The following DEGS2 variants were observed in gnomAD, a reference collection of about 807,000 sequenced individuals.
DEGS2 encodes sphingolipid delta(4)-desaturase/C4-monooxygenase DES2.
DEGS2 carries 19 observed loss-of-function variants against 23.8 expected under a neutral mutation model. The ratio of observed to expected loss-of-function variants is 0.80; its 90% CI spans 0.56 to 1.17. DEGS2 has a LOEUF of 1.17. Among genes scored for constraint, DEGS2 ranks in the 50% most tolerant of loss-of-function variants. The pLI is 0.00. For synonymous variants in DEGS2, 218 were observed against 213.7 expected, an observed-to-expected ratio of 1.02 and a Z score of -0.18; for missense variants, 390 against 459.5, an observed-to-expected ratio of 0.85 and a Z score of 1.38.
Position 100,145,763 on chromosome 14 carries a change from C to G in DEGS2, c.*998G>C, listed in dbSNP as rs1889433274. The G allele has an allele frequency of 6.6e-6, 1 of 152,522 alleles. No homozygotes were observed. The highest frequency in any genetic ancestry group is 1.5e-5 in the Non-Finnish European group (1 of 68,264). The allele number at this position is 152,522 out of a possible 1,614,324, so 9.4% of individuals were successfully genotyped here. A position where few individuals can be genotyped will look rare whatever the true frequency, so the allele number is the denominator to read the frequency against. On this transcript the variant is annotated 3_prime_UTR_variant, in exon 3 of 3. Transcript: ENST00000305631. ...CCCAGCCCTGCCCTCCAGGAGAAGA[C>G]AACCTCCTAGGTCGCAGCTGCACCC...
rs1889631314 is a variant in DEGS2 at position 100,154,719 on chromosome 14, A to G, written c.82+4787T>C. On this transcript the variant is annotated intron_variant, in intron 1 of 2. Coordinates refer to ENST00000305631, the MANE Select transcript of DEGS2 (RefSeq NM_206918.3). ...CACCCTGGTGCGACTCTGATGGGTT[A>G]CAGCCTTTGCCCAGAAATGCTCCTG... Among the ~76,000 whole-genome samples the G allele has an allele frequency of 2.6e-5, 4 of 152,236 alleles. No individual in the cohort carries two copies. The South Asian group carries it at 8.3e-4, about 31-fold the overall frequency.
At chr14:100,156,057 GAT>G in intron 1 of DEGS2, among the ~76,000 whole-genome samples, 1 of 152,214 alleles carries the variant, frequency 6.6e-6, no homozygotes. Flanking sequence ...AGGAGCTGGA[GAT>G]GGACTTTGGC....
chr14:100,150,388 C>CCG, intron 1 of DEGS2, among the ~76,000 whole-genome samples: 1 of 65,344 alleles, frequency 1.5e-5, no homozygotes, highest in East Asian at 5.7e-4. Flanking sequence ...CACCCCAACA[C>CCG]CCCCCCCCGC....
At chr14:100,161,491 G>A (rs1332822323), upstream of DEGS2, among the ~76,000 whole-genome samples, 1 of 152,134 alleles carries the variant, frequency 6.6e-6, no homozygotes, top group South Asian at 2.1e-4. Context: ...ATACTGTTGC[G>A]TCCCCACCCT....
intron 1 of DEGS2, among the ~76,000 whole-genome samples, chr14:100,152,007 C>T (rs879270429): frequency 2.0e-5 from 3 of 152,084 alleles, no homozygotes; most frequent in East Asian, 1.9e-4. Context: ...ACCCTGGGTA[C>T]GGTCAGGATG....
upstream of DEGS2, among the ~76,000 whole-genome samples, chr14:100,160,744 A>T (rs932698764): frequency 2.0e-5 from 3 of 152,222 alleles, no homozygotes; most frequent in African/African-American, 7.2e-5. Context: ...TACACTTGGC[A>T]GGCCTTCCTT....
At chr14:100,166,353 G>GGGGTAGCCTGCCCGGGGCTGT in the DEGS2 span, among the ~76,000 whole-genome samples, 1 of 41,444 alleles carries the variant, frequency 2.4e-5, no homozygotes. Flanking sequence ...CCGGGGCTGT[G>GGGGTAGCCTGCCCGGGGCTGT]GGGGGAGCCT....
the DEGS2 span, among the ~76,000 whole-genome samples, chr14:100,164,857 C>A: frequency 1.3e-5 from 2 of 152,108 alleles, no homozygotes; most frequent in Non-Finnish European, 2.9e-5. Context: ...AATACATGTG[C>A]GAGAATAGTC....
At position 100,148,972 on chromosome 14, in the gene DEGS2, G is replaced by T; in HGVS notation, c.821C>A (p.Pro274Gln). 6.2e-7 allele frequency: 1 copy of T among 1,611,388 alleles called. No individual in the cohort carries two copies. Among genetic ancestry groups the T allele is most frequent in the Non-Finnish European group, 8.5e-7 (1 of 1,178,924 alleles). Reference sequence around the variant, plus strand: ...CCTGCCAGCCCAGCCACATACCAGCGGCAGGTTGTAGCCCGGGATGCTGGG... The same window carrying T: ...CCTGCCAGCCCAGCCACATACCAGCTGCAGGTTGTAGCCCGGGATGCTGGG... ...DFPSIPGYNL[P>Q]LVRKIAPEYY... The change falls in exon 2 of 3, where the codon CCG becomes CAG. Residue 274 changes from proline to glutamine, a missense_variant. By Grantham distance (76) the Pro-to-Gln change is moderately conservative. Transcript: ENST00000305631.
At chr14:100,148,330 ACCT>A (rs1345437279) in intron 2 of DEGS2, among the ~76,000 whole-genome samples, 7 of 152,064 alleles carry the variant, frequency 4.6e-5, no homozygotes, top group Admixed American at 2.6e-4. Context: ...CCCCAGTGCC[ACCT>A]CCTCCCGCCC....
intron 1 of DEGS2, among the ~76,000 whole-genome samples, chr14:100,157,624 T>G (rs1889679078): frequency 6.6e-6 from 1 of 152,130 alleles, no homozygotes; most frequent in Non-Finnish European, 1.5e-5. Context: ...GCAGCTCACC[T>G]CCCAGGAGAA....
chr14:100,166,114 C>T, the DEGS2 span, among the ~76,000 whole-genome samples: 1,848 of 23,400 alleles, frequency 0.079, 471 homozygotes, highest in African/African-American at 0.36. Flanking sequence ...GGGTAGCCTG[C>T]CCGGGAGGGT....
chr14:100,151,399 G>A (rs906709934), intron 1 of DEGS2, among the ~76,000 whole-genome samples: 4 of 152,216 alleles, frequency 2.6e-5, no homozygotes, highest in African/African-American at 7.2e-5. Context: ...AGCAGTGCAC[G>A]AGGCAGCTGA....
At position 100,145,826 on chromosome 14, in the gene DEGS2, C is replaced by CA. The variant is rs1278597484; in HGVS notation, c.*934dup. The stretch of plus-strand genomic sequence containing the variant: ...TAGAAAGGACCGACACGTCTCACGT[C>CA]ACGCACACTCCCAGGACGCTGCCCG... On this transcript the variant is annotated 3_prime_UTR_variant, in exon 3 of 3. Transcript: ENST00000305631. The CA allele has an allele frequency of 5.9e-5, 9 of 152,470 alleles. No homozygotes were observed. 9.4% of individuals were successfully genotyped at this position (152,470 alleles called of 1,614,324 possible).
chr14:100,158,158 C>T (rs961399099), intron 1 of DEGS2, among the ~76,000 whole-genome samples: 1 of 151,606 alleles, frequency 6.6e-6, no homozygotes, highest in African/African-American at 2.4e-5. Flanking sequence ...CCTGTAGTCC[C>T]AACACTTTGG....
chr14:100,164,624 C>T (rs781362585), upstream of DEGS2, among the ~76,000 whole-genome samples: 43 of 151,996 alleles, frequency 2.8e-4, no homozygotes, highest in Middle Eastern at 3.2e-3. Flanking sequence ...GCAACAAGAG[C>T]GAAACTCCGT....
At chr14:100,147,094 G>A (rs561788343) in intron 2 of DEGS2, among the ~76,000 whole-genome samples, 187 bp from the exon 3 acceptor site, 102 of 152,272 alleles carry the variant, frequency 6.7e-4, no homozygotes, top group African/African-American at 2.3e-3. Context: ...TCGCCTCTGG[G>A]GTGCCCATGT....
intron 1 of DEGS2, among the ~76,000 whole-genome samples, chr14:100,156,154 C>T (rs1001301449): frequency 6.6e-6 from 1 of 152,254 alleles, no homozygotes; most frequent in African/African-American, 2.4e-5. Context: ...ATTGAACATC[C>T]CTGGGCACCC....
chr14:100,148,903 C>T, intron 2 of DEGS2, 65 bp downstream of exon 2: 1 of 1,537,676 alleles, frequency 6.5e-7, no homozygotes, highest in African/African-American at 1.4e-5. Context: ...CCTTCCAGGG[C>T]CCCCACCTCC....
Sources: allele counts gnomAD v4.1 joint callset (sites outside exome capture counted in the v4.1 genomes callset), GRCh38; gene constraint gnomAD v4.1.1; transcripts MANE v1.5; gene names NCBI Gene and HGNC (gene_info 2026-07-23, HGNC 2026-07-21).